TASOR: variants seen among roughly 807,000 people sequenced by gnomAD.
The protein encoded by TASOR is protein TASOR.
A neutral mutation model predicts 178.6 loss-of-function variants in TASOR; 53 were observed. That is an observed-to-expected ratio of 0.30 (90% CI 0.24 to 0.37). TASOR has a LOEUF of 0.37. Among genes scored for constraint, TASOR ranks in the 10% least tolerant of loss-of-function variants. The pLI, the probability that TASOR is intolerant of heterozygous loss-of-function variation, is 1.00. For synonymous variants in TASOR, 713 were observed against 696.2 expected, an observed-to-expected ratio of 1.02 and a Z score of -0.38; for missense variants, 1,815 against 1,971.4, an observed-to-expected ratio of 0.92 and a Z score of 1.50.
intron 15 of TASOR, 44 bp from the exon 16 acceptor site, chr3:56,640,174 T>C: frequency 1.3e-6 from 2 of 1,551,478 alleles, no homozygotes; most frequent in Non-Finnish European, 8.8e-7. Flanking sequence ...TTCCAATTCA[T>C]TTTAATGTCA....
chr3:56,660,089 C>T (rs2077559678), intron 11 of TASOR, among the ~76,000 whole-genome samples: 1 of 151,956 alleles, frequency 6.6e-6, no homozygotes, highest in African/African-American at 2.4e-5. Context: ...TCCCGATCTC[C>T]TGATCTTATG....
intron 5 of TASOR, among the ~76,000 whole-genome samples, chr3:56,669,025 A>G (rs1214529257): frequency 6.6e-6 from 1 of 150,762 alleles, no homozygotes; most frequent in African/African-American, 2.5e-5. Context: ...AATTTGAAGC[A>G]GTAAGAAAAA....
chr3:56,660,956 G>C lies in TASOR; in HGVS notation c.1222C>G (p.Pro408Ala). The change falls in exon 10 of 24, where the codon CCA becomes GCA. Residue 408 changes from proline (P) to alanine (A), a missense_variant. Physicochemically the swap from Pro to Ala is conservative, Grantham distance 27 (BLOSUM62 -1). This residue lies in a region of TASOR where 504 missense variants were observed against 645.3 expected (regional missense o/e 0.78). Coordinates refer to ENST00000683822, the MANE Select transcript of TASOR (RefSeq NM_001365635.2). ...TATGTTTCCTTATAAAACAGTGCTG[G>C]AGGGATTTTCTGTTTCAGATGATCA... ...SIDHLKQKIP[P>A]ALFYKETYLG... 6.2e-7 allele frequency: 1 copy of C among 1,611,526 alleles called. No individual in the cohort carries two copies. Among genetic ancestry groups the C allele is most frequent in the Non-Finnish European group, 8.5e-7 (1 of 1,177,942 alleles).
Position 56,682,714 on chromosome 3 carries a change from C to T in TASOR, c.293G>A (p.Arg98Lys). 6.7e-7 allele frequency: 1 copy of T among 1,495,636 alleles called. No homozygotes were observed. The highest frequency in any genetic ancestry group is 1.4e-5 in the African/African-American group (1 of 70,314). 92.6% of individuals were successfully genotyped at this position (1,495,636 alleles called of 1,614,324 possible). ...GPEEPERPVR[R>K]SFQIPRKSRE... is the part of the protein sequence containing the mutation. The stretch of plus-strand genomic sequence containing the variant: ...GCTCTTCCTGGGGATCTGAAAACTC[C>T]TCCTAACAGGCCTTTCGGGCTCTTC... Residue 98 changes from arginine (R) to lysine (K), a missense_variant, in exon 1 of 24, where the codon AGG becomes AAG. Arg to Lys is a conservative substitution (Grantham distance 26, BLOSUM62 2). This residue lies in a region of TASOR where 244 missense variants were observed against 202.7 expected (regional missense o/e 1.20). Transcript: ENST00000683822.
intron 16 of TASOR, 79 bp from the exon 17 acceptor site, chr3:56,638,844 A>G (rs1490877241): frequency 1.5e-6 from 2 of 1,335,168 alleles, no homozygotes; most frequent in African/African-American, 2.9e-5. Context: ...ACCCCAAGTG[A>G]TAACAATGCA....
chr3:56,630,352 G>A (rs1395661136), intron 18 of TASOR, among the ~76,000 whole-genome samples: 1 of 152,158 alleles, frequency 6.6e-6, no homozygotes, highest in African/African-American at 2.4e-5. Flanking sequence ...TATTCATAAA[G>A]TCTTTTACTG....
At position 56,621,528 on chromosome 3, in the gene TASOR, T is replaced by C. The variant is rs375442772; in HGVS notation, c.*1509A>G. On this transcript the variant is annotated 3_prime_UTR_variant, in exon 24 of 24. Transcript: ENST00000683822. The stretch of plus-strand genomic sequence containing the variant: ...CTAACAAACATATATCAATGTGATT[T>C]CAGGGCCTTCTCCAGAAGCAAAAGG... The C allele has an allele frequency of 1.9e-6, 3 of 1,580,076 alleles. No homozygotes were observed. The highest frequency in any genetic ancestry group is 2.6e-6 in the Non-Finnish European group (3 of 1,163,102).
At chr3:56,655,553 G>C (rs1283636082) in intron 11 of TASOR, among the ~76,000 whole-genome samples, 1 of 151,984 alleles carries the variant, frequency 6.6e-6, no homozygotes, top group Non-Finnish European at 1.5e-5. Context: ...GGTTGCTTAA[G>C]GCCAGGAGTT....
chr3:56,679,658 A>C (rs1359841615), intron 1 of TASOR, among the ~76,000 whole-genome samples: 1 of 152,246 alleles, frequency 6.6e-6, no homozygotes, highest in East Asian at 1.9e-4. Context: ...GACCCTACAA[A>C]AACATTAACC....
intron 2 of TASOR, among the ~76,000 whole-genome samples, chr3:56,672,008 A>T (rs190994524): frequency 1.3e-5 from 2 of 152,296 alleles, no homozygotes; most frequent in Admixed American, 1.3e-4. Flanking sequence ...TTAACATGGT[A>T]CACTGCATCC....
In TASOR at chr3:56,671,595, C is replaced by G; in HGVS notation, c.570+5G>C. 1 of 1,536,506 alleles carries G rather than the reference C, an allele frequency of 6.5e-7. No homozygotes were observed. The highest frequency in any genetic ancestry group is 8.8e-7 in the Non-Finnish European group (1 of 1,139,682). On this transcript the variant is annotated splice_donor_5th_base_variant and intron_variant, in intron 3 of 23. Coordinates refer to ENST00000683822, the MANE Select transcript of TASOR (RefSeq NM_001365635.2). ...AATTGTTTTTTATAAAATGCGTTAA[C>G]TCACCTGGTATCGATCAACCATCAG...
At position 56,649,011 on chromosome 3, in the gene TASOR, G is replaced by C; in HGVS notation, c.1415C>G (p.Ser472Cys). The C allele has an allele frequency of 1.2e-6, 2 of 1,608,672 alleles. No homozygotes were observed. Among genetic ancestry groups the C allele is most frequent in the South Asian group, 1.1e-5 (1 of 89,168 alleles). The change falls in exon 12 of 24, where the codon TCC becomes TGC. Residue 472 changes from serine to cysteine, a missense_variant. Around this residue, in one of 5 missense-constraint regions of TASOR, gnomAD observed 504 missense variants for 645.3 expected, o/e 0.78. Coordinates refer to ENST00000683822, the MANE Select transcript of TASOR (RefSeq NM_001365635.2). ...ATATGGAGGAACCATCTGATAAGGG[G>C]AGAGAAGAAAAAGGTATCCTCGGTC... is the stretch of plus-strand genomic sequence containing the variant. ...LGDRGYLFLL[S>C]PYQMVPPYEY...
In TASOR at chr3:56,627,040, C is replaced by T. The variant is rs1463283121; in HGVS notation, c.4136G>A (p.Gly1379Asp). 2 of 1,582,962 alleles carry T rather than the reference C, an allele frequency of 1.3e-6. No homozygotes were observed. The highest frequency in any genetic ancestry group is 4.5e-5 in the East Asian group (2 of 44,600). ...CKFQKKLKELGRLNAKALSLL... is the reference protein window; with the variant it reads ...CKFQKKLKELDRLNAKALSLL... ...ATAGTTATGTTTCAAAGCTTACCTG[C>T]CTAGTTCCTTTAGTTTCTTCTGAAA... The change falls in exon 21 of 24, where the codon GGC becomes GAC. Residue 1379 changes from glycine to aspartate, a missense_variant. Physicochemically the swap from Gly to Asp is moderately conservative, Grantham distance 94. Around this residue, in one of 5 missense-constraint regions of TASOR, gnomAD observed 134 missense variants for 195.2 expected, o/e 0.69. Transcript: ENST00000683822.
intron 11 of TASOR, among the ~76,000 whole-genome samples, 164 bp downstream of exon 11, chr3:56,660,564 AAAG>A (rs1428459336): frequency 1.3e-5 from 2 of 152,132 alleles, no homozygotes; most frequent in East Asian, 3.9e-4. Context: ...GGCCCAAATA[AAAG>A]AATACCAGAA....
At chr3:56,671,427 T>C (rs1177306629) in intron 3 of TASOR, 173 bp downstream of exon 3, 1 of 525,792 alleles carries the variant, frequency 1.9e-6, no homozygotes, top group East Asian at 3.1e-5. Flanking sequence ...AAAAACTGAG[T>C]ACATTTGAAA....
chr3:56,640,386 G>C (rs530428708), intron 15 of TASOR, among the ~76,000 whole-genome samples: 3 of 152,128 alleles, frequency 2.0e-5, no homozygotes, highest in Non-Finnish European at 4.4e-5. Flanking sequence ...AGGCTCTGCA[G>C]GCCAGACTCT....
intron 6 of TASOR, among the ~76,000 whole-genome samples, chr3:56,667,726 A>G (rs939315125): frequency 3.9e-5 from 6 of 152,330 alleles, no homozygotes; most frequent in African/African-American, 1.4e-4. Context: ...ACTTGAGCCC[A>G]GGAGTTCTAG....
At chr3:56,631,804 C>A (rs2076921073) in intron 18 of TASOR, among the ~76,000 whole-genome samples, 1 of 152,060 alleles carries the variant, frequency 6.6e-6, no homozygotes, top group Admixed American at 6.5e-5. Context: ...AGGATGGTCT[C>A]AATCTCCTGA....
Position 56,671,658 on chromosome 3 carries a change from C to A in TASOR, c.512G>T (p.Gly171Val). ...TTCTGAAAGTTCCTTATCTAAACGA[C>A]CATCAAACTTCAGTTCTCTTCGCTT... ...TEKRRELKFD[G>V]RLDKELSESY... Residue 171 changes from glycine to valine, a missense_variant, in exon 3 of 24, where the codon GGT becomes GTT. Physicochemically the swap from Gly to Val is moderately radical, Grantham distance 109. Around this residue, in one of 5 missense-constraint regions of TASOR, gnomAD observed 504 missense variants for 645.3 expected, o/e 0.78. Transcript: ENST00000683822. 6.5e-7 allele frequency: 1 copy of A among 1,549,630 alleles called. No homozygotes were observed.
Sources: allele counts gnomAD v4.1 joint callset (sites outside exome capture counted in the v4.1 genomes callset), GRCh38; gene constraint gnomAD v4.1.1; regional missense constraint gnomAD v4.1.1; transcripts MANE v1.5; gene names NCBI Gene and HGNC (gene_info 2026-07-23, HGNC 2026-07-21).